The following BLTP3A variants were observed in gnomAD, a reference collection of about 807,000 sequenced individuals.
BLTP3A encodes the protein ICBP90 binding protein 1.
At chr6:34,825,701 C>T in the BLTP3A span, among the ~76,000 whole-genome samples, 1 of 152,216 alleles carries the variant, frequency 6.6e-6, no homozygotes, top group Non-Finnish European at 1.5e-5. Context: ...AAAACTGTCA[C>T]ATTGGGCTAT....
chr6:34,857,305 T>A, the BLTP3A span: 1 of 1,613,400 alleles, frequency 6.2e-7, no homozygotes, highest in Non-Finnish European at 8.5e-7. Context: ...TTGTTGATAC[T>A]AACAAAAAGT....
At chr6:34,819,695 G>A in the BLTP3A span, among the ~76,000 whole-genome samples, 2 of 152,198 alleles carry the variant, frequency 1.3e-5, no homozygotes, top group Non-Finnish European at 2.9e-5. Flanking sequence ...GCAGTTAGGG[G>A]AAGAAGGCCT....
chr6:34,857,338 G>C, the BLTP3A span: 1 of 1,612,390 alleles, frequency 6.2e-7, no homozygotes, highest in South Asian at 1.1e-5. Context: ...GGTTTCCACC[G>C]CTGGACAGCC....
At chr6:34,834,824 C>G in the BLTP3A span, 1 of 1,614,152 alleles carries the variant, frequency 6.2e-7, no homozygotes, top group Non-Finnish European at 8.5e-7. Context: ...AGGCTTATTA[C>G]GAACCAAGGC....
the BLTP3A span, among the ~76,000 whole-genome samples, chr6:34,835,832 G>C: frequency 2.0e-5 from 3 of 152,160 alleles, no homozygotes; most frequent in African/African-American, 7.2e-5. Flanking sequence ...CACTACATAG[G>C]CTGAAAGAGA....
chr6:34,801,986 C>G, the BLTP3A span, among the ~76,000 whole-genome samples: 1 of 152,090 alleles, frequency 6.6e-6, no homozygotes, highest in East Asian at 1.9e-4. Context: ...ATCCACCCAC[C>G]TCGGCCTCCC....
chr6:34,801,256 T>C, the BLTP3A span, among the ~76,000 whole-genome samples: 5 of 152,222 alleles, frequency 3.3e-5, no homozygotes, highest in Non-Finnish European at 7.3e-5. Context: ...CCAACAGTTA[T>C]TTCTAAGTTT....
the BLTP3A span, among the ~76,000 whole-genome samples, chr6:34,802,917 T>G: frequency 6.6e-6 from 1 of 152,216 alleles, no homozygotes; most frequent in Admixed American, 6.5e-5. Flanking sequence ...GGCTTACACC[T>G]ATAATCCTAG....
the BLTP3A span, among the ~76,000 whole-genome samples, chr6:34,846,154 A>G: frequency 3.0e-5 from 3 of 99,990 alleles, no homozygotes; most frequent in African/African-American, 1.2e-4. Flanking sequence ...CCTTGCTTCC[A>G]TTTTTTTTGA....
the BLTP3A span, among the ~76,000 whole-genome samples, chr6:34,846,859 G>C: frequency 6.6e-6 from 1 of 152,148 alleles, no homozygotes; most frequent in African/African-American, 2.4e-5. Context: ...TACAGGAAAG[G>C]CTTTCAGTTT....
the BLTP3A span, among the ~76,000 whole-genome samples, chr6:34,813,959 ACCTCCCCAAC>A: frequency 1.6e-5 from 2 of 128,302 alleles, no homozygotes; most frequent in Admixed American, 9.1e-5. Context: ...ACCTCCCCAA[ACCTCCCCAAC>A]CCTCCCCAAC....
At chr6:34,829,159 T>A in the BLTP3A span, among the ~76,000 whole-genome samples, 1 of 152,144 alleles carries the variant, frequency 6.6e-6, no homozygotes, top group Non-Finnish European at 1.5e-5. Flanking sequence ...ATTCAGTGGT[T>A]TTTACTGTAT....
chr6:34,849,324 G>GT, the BLTP3A span, among the ~76,000 whole-genome samples: 1,457 of 146,828 alleles, frequency 9.9e-3, 16 homozygotes, highest in African/African-American at 0.028. Flanking sequence ...TGCCCAGCCA[G>GT]TTTTTTTTTT....
chr6:34,853,489 C>T, the BLTP3A span, among the ~76,000 whole-genome samples: 2 of 152,002 alleles, frequency 1.3e-5, no homozygotes, highest in Non-Finnish European at 2.9e-5. Context: ...ATTTGGTGTT[C>T]TTGCTAGGGG....
chr6:34,864,194 G>A, the BLTP3A span: 1 of 1,613,336 alleles, frequency 6.2e-7, no homozygotes, highest in Non-Finnish European at 8.5e-7. Flanking sequence ...TGCTCTTGGA[G>A]TCTGGTATGT....
chr6:34,839,727 C>T, the BLTP3A span, among the ~76,000 whole-genome samples: 1 of 152,208 alleles, frequency 6.6e-6, no homozygotes, highest in Non-Finnish European at 1.5e-5. Flanking sequence ...CGCACTGGCC[C>T]GGCTGCTTGT....
the BLTP3A span, among the ~76,000 whole-genome samples, chr6:34,850,313 T>C: frequency 6.6e-6 from 1 of 152,206 alleles, no homozygotes; most frequent in East Asian, 1.9e-4. Flanking sequence ...TGGGAGTTTG[T>C]TTATTAAATG....
At chr6:34,855,617 GT>G in the BLTP3A span, 5 of 1,613,114 alleles carry the variant, frequency 3.1e-6, no homozygotes, top group Non-Finnish European at 4.2e-6. Flanking sequence ...TATTTTATAG[GT>G]GTCTCTGCCA....
chr6:34,792,906 T>A, the BLTP3A span, among the ~76,000 whole-genome samples: 1 of 152,230 alleles, frequency 6.6e-6, no homozygotes, highest in Non-Finnish European at 1.5e-5. Context: ...CTGACCCTGT[T>A]GCATCACCCT....
Sources: gnomAD v4.1 joint callset for allele counts (sites outside exome capture counted in the v4.1 genomes callset) on GRCh38, gnomAD v4.1.1 for gene constraint, MANE v1.5 for transcripts, NCBI Gene and HGNC (gene_info 2026-07-23, HGNC 2026-07-21) for gene names.